KHDRBS2: variants seen among roughly 807,000 people sequenced by gnomAD.
KHDRBS2 encodes the protein KH RNA binding domain containing, signal transduction associated 2, also known as KH domain-containing, RNA-binding, signal transduction-associated protein 2.
KHDRBS2 carries 26 observed loss-of-function variants against 44.3 expected under a neutral mutation model. The observed-to-expected ratio is 0.59, with a 90% CI of 0.43 to 0.81. The LOEUF (loss-of-function observed/expected upper bound fraction) is 0.81, where lower values mean the gene tolerates loss of function less well. Among genes scored for constraint, KHDRBS2 ranks in the 40% least tolerant of loss-of-function variants. KHDRBS2 has a pLI of 0.00. For missense variants in KHDRBS2, 476 were observed against 433.1 expected (o/e 1.10, Z -0.88); for synonymous variants, 194 against 151.1 (o/e 1.28, Z -2.08).
At chr6:62,214,767 C>T (rs186992797) in intron 1 of KHDRBS2, among the ~76,000 whole-genome samples, 4 of 152,064 alleles carry the variant, frequency 2.6e-5, no homozygotes, top group Admixed American at 6.5e-5. Context: ...CCCAGAGCAG[C>T]GAAACTAGCT....
chr6:62,078,413 G>A (rs1381820624), intron 2 of KHDRBS2, among the ~76,000 whole-genome samples: 1 of 151,892 alleles, frequency 6.6e-6, no homozygotes, highest in East Asian at 1.9e-4. Context: ...TAATAAATGT[G>A]TAAAGTATTT....
At chr6:61,902,506 A>AAC (rs34224070) in intron 4 of KHDRBS2, among the ~76,000 whole-genome samples, 54,201 of 149,586 alleles carry the variant, frequency 0.36, 10,416 homozygotes, top group East Asian at 0.47. Flanking sequence ...TTTACTAATC[A>AAC]ACACACACAC....
chr6:61,564,776 C>A, the KHDRBS2 span, among the ~76,000 whole-genome samples: 1 of 152,006 alleles, frequency 6.6e-6, no homozygotes, highest in Non-Finnish European at 1.5e-5. Context: ...CTTTCTAGGT[C>A]AGGCTTGTCT....
Position 62,240,660 on chromosome 6 carries a change from GTA to G in KHDRBS2, c.91+45196_91+45197del, listed in dbSNP as rs1217243462. ...TATATGTGTGTGTGTATGTGTGTAT[GTA>G]TGTGTGTGTGTATATATATATATAT... On this transcript the variant is annotated intron_variant, in intron 1 of 8. Transcript: ENST00000281156. Among the ~76,000 whole-genome samples, 724 of 98,484 alleles carry G rather than the reference GTA, an allele frequency of 7.4e-3. 1 individual carries two copies. Among genetic ancestry groups the G allele is most frequent in the African/African-American group, 0.011 (300 of 27,116 alleles). The allele number at this position is 98,484 out of a possible 152,430, so 64.6% of individuals were successfully genotyped here.
At chr6:62,104,129 T>C (rs1802565474) in intron 2 of KHDRBS2, among the ~76,000 whole-genome samples, 1 of 151,962 alleles carries the variant, frequency 6.6e-6, no homozygotes. Context: ...GCACTAACAA[T>C]TTAGAATATC....
intron 1 of KHDRBS2, among the ~76,000 whole-genome samples, chr6:62,182,957 C>G (rs1270804586): frequency 6.6e-6 from 1 of 151,706 alleles, no homozygotes; most frequent in African/African-American, 2.4e-5. Context: ...TGTCAAGTTA[C>G]TTTCTTAACC....
chr6:61,849,485 ATAACT>A (rs1205053453), intron 6 of KHDRBS2, among the ~76,000 whole-genome samples: 2 of 152,142 alleles, frequency 1.3e-5, no homozygotes, highest in African/African-American at 2.4e-5. Context: ...AATAAAGTAC[ATAACT>A]TAAGTCCTAT....
chr6:62,081,050 T>C lies in KHDRBS2; in HGVS notation c.220-33056A>G, dbSNP rs146064631. The stretch of plus-strand genomic sequence containing the variant: ...TAATACTGACCATACGTTATAGATA[T>C]CCTCTTCATTAAATTCTTGTAAATC... On this transcript the variant is annotated intron_variant, in intron 2 of 8. Transcript: ENST00000281156. Among the ~76,000 whole-genome samples the C allele has an allele frequency of 1.6e-3, 248 of 152,250 alleles. 1 individual carries two copies. The highest frequency in any genetic ancestry group is 5.4e-3 in the African/African-American group (225 of 41,572).
chr6:61,599,524 T>A, the KHDRBS2 span, among the ~76,000 whole-genome samples: 1 of 152,318 alleles, frequency 6.6e-6, no homozygotes, highest in African/African-American at 2.4e-5. Flanking sequence ...TGAAACACTC[T>A]TGTTGCCACA....
At chr6:61,582,849 G>A in the KHDRBS2 span, among the ~76,000 whole-genome samples, 2 of 151,544 alleles carry the variant, frequency 1.3e-5, no homozygotes, top group African/African-American at 4.8e-5. Context: ...ATGCATTCTT[G>A]TATAATTATA....
chr6:61,899,979 A>G (rs1280301705), intron 5 of KHDRBS2, among the ~76,000 whole-genome samples: 1 of 151,978 alleles, frequency 6.6e-6, no homozygotes, highest in Non-Finnish European at 1.5e-5. Context: ...ACCCATAAAA[A>G]AGTACAGTAT....
intron 2 of KHDRBS2, among the ~76,000 whole-genome samples, chr6:62,086,867 C>T (rs1798485674): frequency 1.3e-5 from 2 of 150,430 alleles, no homozygotes; most frequent in South Asian, 2.1e-4. Flanking sequence ...AATTGACAGG[C>T]AGGGATCCAT....
At chr6:62,125,190 G>A (rs1808663106) in intron 2 of KHDRBS2, among the ~76,000 whole-genome samples, 1 of 152,170 alleles carries the variant, frequency 6.6e-6, no homozygotes, top group Non-Finnish European at 1.5e-5. Flanking sequence ...GTGTGGCAGG[G>A]AAAGAAAATC....
the KHDRBS2 span, among the ~76,000 whole-genome samples, chr6:61,576,768 C>T: frequency 5.4e-4 from 82 of 152,258 alleles, no homozygotes; most frequent in African/African-American, 2.0e-3. Flanking sequence ...GGAACAAAGT[C>T]TAAAAATTTC....
At chr6:61,964,537 T>C (rs548235918) in intron 4 of KHDRBS2, among the ~76,000 whole-genome samples, 76 of 152,198 alleles carry the variant, frequency 5.0e-4, no homozygotes, top group Non-Finnish European at 9.1e-4. Context: ...ATTTTTAATT[T>C]ATGAAAGCAA....
At chr6:62,230,800 G>A (rs1832774663) in intron 1 of KHDRBS2, among the ~76,000 whole-genome samples, 1 of 152,066 alleles carries the variant, frequency 6.6e-6, no homozygotes, top group Admixed American at 6.6e-5. Context: ...CTACTATCAG[G>A]AATTTAACAA....
intron 1 of KHDRBS2, among the ~76,000 whole-genome samples, chr6:62,271,126 T>C (rs1431137966): frequency 6.6e-6 from 1 of 152,178 alleles, no homozygotes; most frequent in East Asian, 1.9e-4. Context: ...ATATATAGTA[T>C]ACATACATAT....
At chr6:61,652,848 T>C in the KHDRBS2 span, among the ~76,000 whole-genome samples, 1 of 152,016 alleles carries the variant, frequency 6.6e-6, no homozygotes, top group Non-Finnish European at 1.5e-5. Context: ...CACAGATTGG[T>C]AAAATCTAGA....
chr6:61,744,538 T>C (rs1443908110), intron 6 of KHDRBS2, among the ~76,000 whole-genome samples: 4 of 152,078 alleles, frequency 2.6e-5, no homozygotes, highest in Non-Finnish European at 5.9e-5. Flanking sequence ...CATAGCAAAT[T>C]GTGTCTCCTA....
Sources: gnomAD v4.1 joint callset for allele counts (sites outside exome capture counted in the v4.1 genomes callset) on GRCh38, gnomAD v4.1.1 for gene constraint, MANE v1.5 for transcripts, NCBI Gene and HGNC (gene_info 2026-07-23, HGNC 2026-07-21) for gene names.